Variants in PGR observed in about 807,000 individuals in gnomAD.
PGR encodes the protein progesterone receptor.
Under a neutral mutation model 76.1 loss-of-function variants are expected in PGR, and 25 were observed. The observed-to-expected ratio is 0.33, with a 90% confidence interval of 0.24 to 0.46. PGR has a LOEUF of 0.46. Ranked by LOEUF, PGR falls within the 20% of genes least tolerant of loss-of-function variation. The pLI, the probability that PGR is intolerant of heterozygous loss-of-function variation, is 1.00. For missense variants in PGR, 1,172 were observed against 1,225.3 expected (o/e 0.96, Z 0.65); for synonymous variants, 579 against 535.0 (o/e 1.08, Z -1.14).
chr11:101,055,971 T>C (rs936507948), intron 4 of PGR, among the ~76,000 whole-genome samples: 1 of 152,220 alleles, frequency 6.6e-6, no homozygotes, highest in Non-Finnish European at 1.5e-5. Context: ...AACCTTTATT[T>C]ACTCCACCTT....
chr11:101,090,117 G>A (rs187941229), intron 3 of PGR, among the ~76,000 whole-genome samples: 7 of 152,104 alleles, frequency 4.6e-5, no homozygotes, highest in African/African-American at 1.7e-4. Flanking sequence ...AGAATCGCTG[G>A]AACCTGGGAG....
intron 3 of PGR, among the ~76,000 whole-genome samples, chr11:101,071,628 C>T (rs1188207170): frequency 6.6e-6 from 1 of 151,730 alleles, no homozygotes; most frequent in Non-Finnish European, 1.5e-5. Context: ...TAGAGAAGAA[C>T]ATAAATGACC....
At chr11:101,047,912 C>A (rs1208253780) in intron 6 of PGR, among the ~76,000 whole-genome samples, 1 of 152,088 alleles carries the variant, frequency 6.6e-6, no homozygotes, top group African/African-American at 2.4e-5. Flanking sequence ...GTGATCAATG[C>A]AATGCTTTAT....
At chr11:101,040,218 T>G (rs1285887243) in intron 7 of PGR, among the ~76,000 whole-genome samples, 1 of 152,038 alleles carries the variant, frequency 6.6e-6, no homozygotes, top group Non-Finnish European at 1.5e-5. Flanking sequence ...ATTGTAAAAA[T>G]CACCTCAATT....
chr11:101,084,429 G>A lies in PGR; in HGVS notation c.1906+7331C>T, dbSNP rs139045013. ...TCCCAGAACTTTGGGAGGCTGAGGCGGGTGGATCACCTGAGACCAGGAGTT... is the reference window on the plus strand; with the variant it reads ...TCCCAGAACTTTGGGAGGCTGAGGCAGGTGGATCACCTGAGACCAGGAGTT... On this transcript the variant is annotated intron_variant, in intron 3 of 7. Transcript: ENST00000325455. Among the ~76,000 whole-genome samples, 237 of 152,162 alleles carry A rather than the reference G, an allele frequency of 1.6e-3. 4 individuals are homozygous for A. In the East Asian group the frequency reaches 0.026, roughly 17 times the overall value.
At chr11:101,095,005 C>T (rs1049076659) in intron 2 of PGR, among the ~76,000 whole-genome samples, 1 of 152,170 alleles carries the variant, frequency 6.6e-6, no homozygotes, top group African/African-American at 2.4e-5. Flanking sequence ...GAATCTGTGC[C>T]ACCTTGATCT....
At chr11:101,119,310 G>C (rs1483677099) in intron 2 of PGR, among the ~76,000 whole-genome samples, 1 of 152,106 alleles carries the variant, frequency 6.6e-6, no homozygotes, top group Non-Finnish European at 1.5e-5. Flanking sequence ...GCCTATTTTT[G>C]AGTGTCTGTC....
At chr11:101,060,575 C>T (rs1349312750) in intron 4 of PGR, among the ~76,000 whole-genome samples, 4 of 152,144 alleles carry the variant, frequency 2.6e-5, no homozygotes, top group Non-Finnish European at 5.9e-5. Flanking sequence ...ATACATGTGT[C>T]CATCCAAGTC....
rs747790282 is a variant in PGR at position 101,031,960 on chromosome 11, C to G, written c.*7156G>C. On this transcript the variant is annotated 3_prime_UTR_variant, in exon 8 of 8. Coordinates refer to ENST00000325455, the MANE Select transcript of PGR (RefSeq NM_000926.4). ...TCTTACCCGTGTGTATAGACCTGGACTTTGAGGTTGGACAGACATGCAAAG... is the reference window on the plus strand; with the variant it reads ...TCTTACCCGTGTGTATAGACCTGGAGTTTGAGGTTGGACAGACATGCAAAG... 1 of 232,182 alleles carries G rather than the reference C, an allele frequency of 4.3e-6. No individual in the cohort carries two copies. Among genetic ancestry groups the G allele is most frequent in the African/African-American group, 2.2e-5 (1 of 45,390 alleles). The allele number at this position is 232,182 out of a possible 1,614,324, so 14.4% of individuals were successfully genotyped here. A position where few individuals can be genotyped will look rare whatever the true frequency, so the allele number is the denominator to read the frequency against.
intron 3 of PGR, among the ~76,000 whole-genome samples, chr11:101,084,916 A>G (rs1861441006): frequency 1.3e-5 from 2 of 152,216 alleles, no homozygotes; most frequent in African/African-American, 2.4e-5. Context: ...AGATTTAACT[A>G]TCCTAAATAC....
At chr11:101,071,047 G>C (rs1052167103) in intron 3 of PGR, among the ~76,000 whole-genome samples, 1 of 152,182 alleles carries the variant, frequency 6.6e-6, no homozygotes, top group Non-Finnish European at 1.5e-5. Flanking sequence ...CCCAGCAGGG[G>C]TCGACAGACA....
intron 2 of PGR, among the ~76,000 whole-genome samples, chr11:101,094,909 T>A (rs576616884): frequency 7.9e-5 from 12 of 152,092 alleles, no homozygotes; most frequent in Non-Finnish European, 1.2e-4. Flanking sequence ...AGGGAGTGAA[T>A]TTGGTCCTTT....
chr11:101,053,847 G>C (rs1181256679), intron 4 of PGR, among the ~76,000 whole-genome samples: 1 of 151,506 alleles, frequency 6.6e-6, no homozygotes, highest in Non-Finnish European at 1.5e-5. Context: ...TGTGTGGGCA[G>C]AGTTCCCCAT....
chr11:101,071,097 C>T (rs1860919582), intron 3 of PGR, among the ~76,000 whole-genome samples: 1 of 152,088 alleles, frequency 6.6e-6, no homozygotes, highest in Non-Finnish European at 1.5e-5. Context: ...CTGGTGGGTG[C>T]CCTGCTGGGA....
chr11:101,123,634 C>G (rs556545798), intron 2 of PGR, among the ~76,000 whole-genome samples: 67 of 152,260 alleles, frequency 4.4e-4, no homozygotes, highest in Admixed American at 3.5e-3. Context: ...TAAAGCTCTC[C>G]TCAATGCCTA....
chr11:101,091,553 T>C (rs1404655362), intron 3 of PGR, among the ~76,000 whole-genome samples: 1 of 152,200 alleles, frequency 6.6e-6, no homozygotes, highest in Non-Finnish European at 1.5e-5. Flanking sequence ...TTTCTTCTCT[T>C]AACAGACCTC....
chr11:101,124,402 T>C (rs535525279), intron 2 of PGR, among the ~76,000 whole-genome samples: 3 of 152,302 alleles, frequency 2.0e-5, no homozygotes, highest in Non-Finnish European at 4.4e-5. Context: ...CATCTCTGAT[T>C]TACAAGCGCT....
chr11:101,084,518 C>T (rs1407860712), intron 3 of PGR, among the ~76,000 whole-genome samples: 5 of 152,094 alleles, frequency 3.3e-5, no homozygotes, highest in East Asian at 3.9e-4. Context: ...ATTAGCCAGC[C>T]GTGGTGGCAG....
Position 101,062,743 on chromosome 11 carries a change from A to G in PGR, c.1916T>C (p.Phe639Ser), listed in dbSNP as rs1286393736. The G allele has an allele frequency of 1.9e-6, 3 of 1,611,610 alleles. No homozygotes were observed. Among genetic ancestry groups the G allele is most frequent in the Non-Finnish European group, 2.5e-6 (3 of 1,179,262 alleles). ...AACTCTGACTTTATTGAACTTTTTA[A>G]ATTTTCGACCTACAGAGAAGAAAAA... ...QAGMVLGGRK[F>S]KKFNKVRVVR... is the part of the protein sequence containing the mutation. Residue 639 changes from phenylalanine to serine, a missense_variant, in exon 4 of 8, where the codon TTT becomes TCT. Coordinates refer to ENST00000325455, the MANE Select transcript of PGR (RefSeq NM_000926.4).
Sources: gnomAD v4.1 joint callset for allele counts (sites outside exome capture counted in the v4.1 genomes callset) on GRCh38, gnomAD v4.1.1 for gene constraint, MANE v1.5 for transcripts, NCBI Gene and HGNC (gene_info 2026-07-23, HGNC 2026-07-21) for gene names.